The following ENTPD5 variants were observed in gnomAD, a reference collection of about 807,000 sequenced individuals.
ENTPD5 encodes ectonucleoside triphosphate diphosphohydrolase 5 (inactive).
ENTPD5 carries 49 observed loss-of-function variants against 60.2 expected under a neutral mutation model. That is an observed-to-expected ratio of 0.81 (90% CI 0.65 to 1.03). The LOEUF (loss-of-function observed/expected upper bound fraction) is 1.03. Among genes scored for constraint, ENTPD5 ranks in the 50% least tolerant of loss-of-function variants. The pLI is 0.00. For missense variants in ENTPD5, 480 were observed against 507.6 expected (o/e 0.95, Z 0.52); for synonymous variants, 187 against 185.4 (o/e 1.01, Z -0.07).
At chr14:73,959,202 C>G, downstream of ENTPD5, 4 of 1,614,246 alleles carry the variant, frequency 2.5e-6, no homozygotes. Context: ...TTTCTTCCCT[C>G]TGGGCCTATT....
chr14:74,014,037 T>C (rs1291825300), intron 2 of ENTPD5, among the ~76,000 whole-genome samples: 7 of 152,188 alleles, frequency 4.6e-5, no homozygotes, highest in Non-Finnish European at 8.8e-5. Context: ...TGTGAGTCAC[T>C]GTGCCCAGTC....
At chr14:73,986,931 G>A (rs1471956068) in intron 4 of ENTPD5, 38 bp from the exon 5 acceptor site, 15 of 1,510,582 alleles carry the variant, frequency 9.9e-6, no homozygotes, top group Non-Finnish European at 1.2e-5. Flanking sequence ...GAGAGAGCTG[G>A]TTACCAAAAG....
At chr14:73,958,819 C>T, downstream of ENTPD5, 1 of 1,530,288 alleles carries the variant, frequency 6.5e-7, no homozygotes, top group Non-Finnish European at 8.8e-7. Context: ...TGCAGGGGCT[C>T]CACCTCTAGG....
intron 2 of ENTPD5, among the ~76,000 whole-genome samples, chr14:74,014,384 C>G (rs914168193): frequency 6.7e-6 from 1 of 148,172 alleles, no homozygotes; most frequent in African/African-American, 2.5e-5. Flanking sequence ...CTTTACTCCC[C>G]CCCCCCACAA....
At chr14:74,017,988 C>A (rs1449675293) in intron 1 of ENTPD5, among the ~76,000 whole-genome samples, 1 of 151,968 alleles carries the variant, frequency 6.6e-6, no homozygotes. Flanking sequence ...TCGAGACCAG[C>A]CTGGCCAGCA....
At chr14:73,977,451 G>C in intron 6 of ENTPD5, 77 bp from the exon 7 acceptor site, 1 of 1,122,860 alleles carries the variant, frequency 8.9e-7, no homozygotes, top group Non-Finnish European at 1.3e-6. Context: ...ACAGTGTCCT[G>C]TAAGACTTAG....
chr14:73,984,680 CTTTT>C (rs1194952306), intron 5 of ENTPD5, among the ~76,000 whole-genome samples: 6 of 151,418 alleles, frequency 4.0e-5, no homozygotes, highest in Non-Finnish European at 7.4e-5. Flanking sequence ...CCTAATTTTT[CTTTT>C]TTAATTATTT....
intron 3 of ENTPD5, among the ~76,000 whole-genome samples, chr14:73,990,459 C>T (rs12893501): frequency 0.27 from 41,092 of 151,308 alleles, 6,640 homozygotes; most frequent in East Asian, 0.41. Context: ...CTTAGCCTCC[C>T]GAGTAGTTGG....
chr14:74,014,702 A>G (rs2058961504), intron 2 of ENTPD5, among the ~76,000 whole-genome samples: 2 of 152,242 alleles, frequency 1.3e-5, no homozygotes, highest in South Asian at 2.1e-4. Flanking sequence ...CCCTGCAGAG[A>G]TGTGAACTAG....
intron 3 of ENTPD5, among the ~76,000 whole-genome samples, chr14:73,998,722 G>A (rs1042135835): frequency 7.9e-5 from 12 of 152,240 alleles, no homozygotes; most frequent in Non-Finnish European, 1.5e-5. Flanking sequence ...AGGGTCCTGA[G>A]GAGGGAAATG....
At chr14:73,986,916 C>G (rs1368249399) in intron 4 of ENTPD5, 23 bp from the exon 5 acceptor site, 1 of 1,589,344 alleles carries the variant, frequency 6.3e-7, no homozygotes, top group Admixed American at 1.7e-5. Context: ...TGGAACAAAA[C>G]AGAAGAGAGA....
At chr14:73,974,542 G>A (rs2057357599) in intron 11 of ENTPD5, among the ~76,000 whole-genome samples, 1 of 152,160 alleles carries the variant, frequency 6.6e-6, no homozygotes, top group South Asian at 2.1e-4. Context: ...AGAGATCAAT[G>A]GAGTTACTCT....
intron 3 of ENTPD5, chr14:73,996,877 A>G (rs940399627): frequency 6.6e-6 from 1 of 152,252 alleles, no homozygotes; most frequent in African/African-American, 2.4e-5. Flanking sequence ...TAAGAGGTCA[A>G]GGCTGCATGA....
Position 73,974,921 on chromosome 14 carries a change from A to C in ENTPD5, c.784+3T>G. ...CCCCCCCAGCACAGGTACCCAGACA[A>C]ACCTTCTGTCTCCAGGGCTCCCAGG... is the stretch of plus-strand genomic sequence containing the variant. On this transcript the variant is annotated splice_donor_region_variant and intron_variant, in intron 11 of 15. Transcript: ENST00000334696. 6.2e-7 allele frequency: 1 copy of C among 1,612,462 alleles called. No individual in the cohort carries two copies. Among genetic ancestry groups the C allele is most frequent in the South Asian group, 1.1e-5 (1 of 91,006 alleles).
At chr14:73,989,832 C>CTAAA (rs2058062455) in intron 3 of ENTPD5, among the ~76,000 whole-genome samples, 1 of 52,362 alleles carries the variant, frequency 1.9e-5, no homozygotes. Flanking sequence ...GACTCAGTCT[C>CTAAA]AAAAAAAAAA....
chr14:73,979,532 C>T (rs1015255057), intron 6 of ENTPD5, among the ~76,000 whole-genome samples: 9 of 147,964 alleles, frequency 6.1e-5, no homozygotes, highest in Non-Finnish European at 1.0e-4. Flanking sequence ...AGTGCAGTGG[C>T]GCCATCTCAG....
chr14:73,963,156 A>T, downstream of ENTPD5: 1 of 720,094 alleles, frequency 1.4e-6, no homozygotes, highest in Non-Finnish European at 2.5e-6. Context: ...GCACCCAAAT[A>T]ATGAATGATA....
chr14:73,976,955 G>A (rs2057468775), intron 8 of ENTPD5, 69 bp downstream of exon 8: 2 of 1,301,114 alleles, frequency 1.5e-6, no homozygotes, highest in South Asian at 1.3e-5. Flanking sequence ...GAAAGAAAAG[G>A]CTTTTACTCC....
intron 6 of ENTPD5, among the ~76,000 whole-genome samples, chr14:73,981,130 GAATA>G (rs1566728271): frequency 6.6e-6 from 1 of 150,662 alleles, no homozygotes; most frequent in Non-Finnish European, 1.5e-5. Context: ...AAATAAATAA[GAATA>G]AAAATAAAAA....
Sources: gnomAD v4.1 joint callset for allele counts (sites outside exome capture counted in the v4.1 genomes callset) on GRCh38, gnomAD v4.1.1 for gene constraint, MANE v1.5 for transcripts, NCBI Gene and HGNC (gene_info 2026-07-23, HGNC 2026-07-21) for gene names.